The following TFRC variants were observed in gnomAD, a reference collection of about 807,000 sequenced individuals.
TFRC encodes transferrin receptor protein 1.
Under a neutral mutation model 85.8 loss-of-function variants are expected in TFRC, and 35 were observed. The ratio of observed to expected loss-of-function variants is 0.41; its 90% CI spans 0.31 to 0.54. The LOEUF is 0.54. Among genes scored for constraint, TFRC ranks in the 20% least tolerant of loss-of-function variants. The pLI is 0.31. For missense variants in TFRC, 828 were observed against 921.5 expected, an observed-to-expected ratio of 0.90 and a Z score of 1.31; for synonymous variants, 362 against 328.6, an observed-to-expected ratio of 1.10 and a Z score of -1.10.
intron 10 of TFRC, among the ~76,000 whole-genome samples, chr3:196,064,864 T>G (rs150285444): frequency 6.6e-6 from 1 of 152,310 alleles, no homozygotes; most frequent in Non-Finnish European, 1.5e-5. Context: ...CTTAAGAAAT[T>G]TGCTTATCAC....
intron 1 of TFRC, among the ~76,000 whole-genome samples, chr3:196,078,800 G>C (rs1718922703): frequency 6.6e-6 from 1 of 150,766 alleles, no homozygotes; most frequent in Non-Finnish European, 1.5e-5. Context: ...TTGAGACAGA[G>C]TTTCGGTCTT....
chr3:196,072,011 G>A lies in TFRC; in HGVS notation c.576C>T (p.Val192=), dbSNP rs544261331. Residue 192 remains valine, a synonymous_variant, in exon 5 of 19, where the codon GTC becomes GTT. Transcript: ENST00000360110. ...ACCATCTTTCAACATACCTGTCTTT[G>A]ACCTGAATCTTAACAAAATGTTGAT... The part of the protein sequence containing the change: ...WRDQHFVKIQ[V]KDSAQNSVII... 1.4e-5 allele frequency: 23 copies of A among 1,612,846 alleles called. No individual in the cohort carries two copies. The South Asian group carries it at 2.3e-4, about 16-fold the overall frequency.
At chr3:196,060,113 GTTT>G (rs775101814) in intron 14 of TFRC, 64 bp downstream of exon 14, 9 of 1,308,322 alleles carry the variant, frequency 6.9e-6, no homozygotes, top group Non-Finnish European at 9.7e-6. Context: ...ACATATCAGT[GTTT>G]TTTATCTCAG....
At chr3:196,057,694 C>T (rs1182026508) in intron 16 of TFRC, among the ~76,000 whole-genome samples, 4 of 150,146 alleles carry the variant, frequency 2.7e-5, no homozygotes, top group Non-Finnish European at 5.9e-5. Flanking sequence ...AGTTTGGAGG[C>T]TGAAGGGGGA....
intron 11 of TFRC, among the ~76,000 whole-genome samples, chr3:196,064,085 C>A (rs897541163): frequency 1.3e-5 from 2 of 152,210 alleles, no homozygotes; most frequent in Non-Finnish European, 2.9e-5. Context: ...AGTAACTCCA[C>A]TGTCTCAAAG....
At chr3:196,072,379 C>T (rs185307781) in intron 4 of TFRC, among the ~76,000 whole-genome samples, 4 of 152,298 alleles carry the variant, frequency 2.6e-5, no homozygotes, top group Non-Finnish European at 4.4e-5. Flanking sequence ...AGCACTCCTT[C>T]AAGAGCCTCA....
intron 6 of TFRC, 54 bp downstream of exon 6, chr3:196,071,342 A>G: frequency 6.8e-7 from 1 of 1,460,918 alleles, no homozygotes; most frequent in Non-Finnish European, 9.6e-7. Context: ...AGAAAAGATG[A>G]GTTTTGAATG....
intron 1 of TFRC, among the ~76,000 whole-genome samples, chr3:196,080,816 A>G (rs534837268): frequency 4.7e-5 from 6 of 128,676 alleles, no homozygotes; most frequent in African/African-American, 1.8e-4. Flanking sequence ...TGAGAAGCAT[A>G]TTGTAACCCA....
chr3:196,052,446 T>TTTG (rs1284780230), intron 18 of TFRC, among the ~76,000 whole-genome samples: 1 of 151,834 alleles, frequency 6.6e-6, no homozygotes, highest in African/African-American at 2.4e-5. Context: ...TGCCCGGCTT[T>TTTG]TTGTTGTTGT....
intron 16 of TFRC, chr3:196,055,692 G>C (rs1462730228): frequency 1.1e-5 from 3 of 282,814 alleles, no homozygotes; most frequent in Non-Finnish European, 2.1e-5. Flanking sequence ...ACCCAGGCTA[G>C]AGTGCAGTGA....
rs562750327 is a variant in TFRC, at chr3:196,065,620, G to A, written c.1041-20C>T. 3.3e-5 allele frequency: 53 copies of A among 1,585,868 alleles called. No individual in the cohort carries two copies. The highest frequency in any genetic ancestry group is 2.3e-4 in the South Asian group (20 of 87,244). ...ATATTCCTAGAATCAGAAAGCAGGC[G>A]TAAGTTCTGAGTTATTGTTCCTTGC... On this transcript the variant is annotated intron_variant, in intron 9 of 18. Transcript: ENST00000360110.
chr3:196,070,132 T>A (rs916198702), intron 6 of TFRC, among the ~76,000 whole-genome samples: 5 of 151,910 alleles, frequency 3.3e-5, no homozygotes, highest in African/African-American at 1.2e-4. Context: ...AACCTACCCA[T>A]CTCTAAACTC....
intron 11 of TFRC, among the ~76,000 whole-genome samples, chr3:196,063,686 G>A (rs1717470126): frequency 6.6e-6 from 1 of 152,156 alleles, no homozygotes; most frequent in African/African-American, 2.4e-5. Context: ...ATTTTGGGAG[G>A]CTGAGGCGGG....
At chr3:196,071,528 T>G (rs1718208137) in intron 5 of TFRC, 30 bp from the exon 6 acceptor site, 2 of 1,603,008 alleles carry the variant, frequency 1.2e-6, no homozygotes, top group African/African-American at 2.7e-5. Context: ...AAAATAAGCC[T>G]AAGGTCATCC....
intron 18 of TFRC, among the ~76,000 whole-genome samples, chr3:196,053,210 G>C (rs1716489813): frequency 6.6e-6 from 1 of 152,144 alleles, no homozygotes; most frequent in Non-Finnish European, 1.5e-5. Context: ...AGCATACATG[G>C]AAGTTTTACA....
chr3:196,080,662 G>T (rs1467515308), intron 1 of TFRC, among the ~76,000 whole-genome samples: 2 of 152,252 alleles, frequency 1.3e-5, no homozygotes, highest in African/African-American at 2.4e-5. Context: ...TAGCCAAACT[G>T]CTGTCTATCT....
chr3:196,063,048 T>A (rs1399294963), intron 11 of TFRC, 109 bp from the exon 12 acceptor site: 1 of 728,148 alleles, frequency 1.4e-6, no homozygotes, highest in Non-Finnish European at 2.1e-6. Context: ...GATAGCAGAT[T>A]CCAAAATCTT....
At chr3:196,067,103 A>C (rs1385695442) in intron 9 of TFRC, among the ~76,000 whole-genome samples, 1 of 152,234 alleles carries the variant, frequency 6.6e-6, no homozygotes, top group East Asian at 1.9e-4. Context: ...AGGTAACTGG[A>C]ATCATACCGT....
chr3:196,069,552 G>C lies in TFRC; in HGVS notation c.704C>G (p.Ala235Gly), dbSNP rs1428586478. The change falls in exon 7 of 19, where the codon GCT (alanine) becomes GGT (glycine). Residue 235 changes from alanine (A) to glycine (G), a missense_variant. Transcript: ENST00000360110. ...AAAATCTTTTTTAGTACCAAAATTA[G>C]CATGGACCAGTTTACCCTAGAACAA... is the stretch of plus-strand genomic sequence containing the variant. ...AATVTGKLVH[A>G]NFGTKKDFED... is the part of the protein sequence containing the mutation. The C allele has an allele frequency of 6.2e-7, 1 of 1,603,292 alleles. No individual in the cohort carries two copies. The highest frequency in any genetic ancestry group is 1.3e-5 in the African/African-American group (1 of 74,774).
Sources: gnomAD v4.1 joint callset for allele counts (sites outside exome capture counted in the v4.1 genomes callset) on GRCh38, gnomAD v4.1.1 for gene constraint, MANE v1.5 for transcripts, NCBI Gene and HGNC (gene_info 2026-07-23, HGNC 2026-07-21) for gene names.